The following PROCR variants were observed in gnomAD, a reference collection of about 807,000 sequenced individuals.
The protein encoded by PROCR is protein C receptor, also known as endothelial protein C receptor.
PROCR carries 22 observed loss-of-function variants against 24.2 expected under a neutral mutation model. That is an observed-to-expected ratio of 0.91 (90% CI 0.65 to 1.30). The LOEUF is 1.30. Among genes scored for constraint, PROCR ranks in the 50% most tolerant of loss-of-function variants. PROCR has a pLI of 0.00. For synonymous variants in PROCR, 137 were observed against 139.2 expected (o/e 0.98, Z 0.11); for missense variants, 288 against 307.7 (o/e 0.94, Z 0.48).
chr20:35,176,625 C>T, intron 3 of PROCR, 73 bp from the exon 4 acceptor site: 1 of 1,568,794 alleles, frequency 6.4e-7, no homozygotes, highest in Non-Finnish European at 8.7e-7. Flanking sequence ...GGCAGAAACG[C>T]TTTGGGGTTT....
At chr20:35,174,976 C>G (rs771395821) in intron 2 of PROCR, 23 bp downstream of exon 2, 95 of 123,520 alleles carry the variant, frequency 7.7e-4, no homozygotes, top group East Asian at 6.9e-4. Flanking sequence ...GCAGCGGGGG[C>G]GGGGTCTGGG....
At chr20:35,180,815 C>A (rs1222847947), downstream of PROCR, among the ~76,000 whole-genome samples, 2 of 152,088 alleles carry the variant, frequency 1.3e-5, no homozygotes, top group Non-Finnish European at 2.9e-5. Flanking sequence ...AAACACAGAT[C>A]TAATTGTGTC....
At chr20:35,178,414 T>TAA (rs374008630), downstream of PROCR, among the ~76,000 whole-genome samples, 14,754 of 49,598 alleles carry the variant, frequency 0.3, 3,459 homozygotes, top group African/African-American at 0.6. Flanking sequence ...TTTTTAATTC[T>TAA]AAAAAAAAAA....
chr20:35,205,421 G>A (rs1434300388), intron 1 of PROCR, among the ~76,000 whole-genome samples: 2 of 148,544 alleles, frequency 1.3e-5, no homozygotes, highest in Non-Finnish European at 3.0e-5. Flanking sequence ...AAATCTCTCA[G>A]CAAACTAGAG....
chr20:35,186,909 C>T (rs1025600822), intron 1 of PROCR, among the ~76,000 whole-genome samples: 2 of 151,014 alleles, frequency 1.3e-5, no homozygotes, highest in Non-Finnish European at 1.5e-5. Flanking sequence ...GTGGAGATTG[C>T]GCCACTGCAC....
chr20:35,174,570 G>GT, intron 1 of PROCR, 132 bp from the exon 2 acceptor site: 1 of 1,118,320 alleles, frequency 8.9e-7, no homozygotes, highest in Non-Finnish European at 1.3e-6. Context: ...GGGAGAAGCG[G>GT]TGGGAGGGCA....
chr20:35,181,506 C>T (rs1192257627), downstream of PROCR, among the ~76,000 whole-genome samples: 1 of 152,104 alleles, frequency 6.6e-6, no homozygotes, highest in East Asian at 1.9e-4. Context: ...AACTCCTGAC[C>T]TCATGATCTG....
chr20:35,186,586 A>T (rs2086128847), intron 1 of PROCR, among the ~76,000 whole-genome samples: 1 of 147,268 alleles, frequency 6.8e-6, no homozygotes, highest in African/African-American at 2.5e-5. Context: ...AAAAAAAAAA[A>T]TGATAAGTAA....
Position 35,176,198 on chromosome 20 carries a change from G to A in PROCR, c.353G>A (p.Cys118Tyr), listed in dbSNP as rs2086014731. The change falls in exon 3 of 4, where the codon TGT becomes TAT. Residue 118 changes from cysteine (C) to tyrosine (Y), a missense_variant. Transcript: ENST00000216968. Reference protein sequence around the residue: ...FPLTIRCFLGCELPPEGSRAH... With the variant: ...FPLTIRCFLGYELPPEGSRAH... ...CTGACCATCCGCTGCTTCCTGGGCTGTGAGCTGCCTCCCGAGGGCTCTAGA... is the reference window on the plus strand; with the variant it reads ...CTGACCATCCGCTGCTTCCTGGGCTATGAGCTGCCTCCCGAGGGCTCTAGA... 2 of 1,614,048 alleles carry A rather than the reference G, an allele frequency of 1.2e-6. No individual in the cohort carries two copies. The highest frequency in any genetic ancestry group is 1.7e-6 in the Non-Finnish European group (2 of 1,180,018).
chr20:35,197,561 T>G (rs996156001), intron 1 of PROCR, among the ~76,000 whole-genome samples: 1 of 151,910 alleles, frequency 6.6e-6, no homozygotes, highest in Admixed American at 6.6e-5. Context: ...CGGTGGCTCA[T>G]GCCTGTAATC....
chr20:35,185,184 G>A (rs546351741), intron 1 of PROCR, among the ~76,000 whole-genome samples: 1 of 151,992 alleles, frequency 6.6e-6, no homozygotes, highest in Admixed American at 6.6e-5. Context: ...ACCACAAAGC[G>A]ATACCACCGT....
intron 1 of PROCR, among the ~76,000 whole-genome samples, chr20:35,205,415 C>A (rs2060334397): frequency 1.4e-5 from 2 of 147,044 alleles, no homozygotes; most frequent in African/African-American, 2.6e-5. Context: ...AAAAAAAAAT[C>A]TCTCAGCAAA....
chr20:35,206,962 G>A (rs1161665783), intron 1 of PROCR, among the ~76,000 whole-genome samples: 2 of 152,184 alleles, frequency 1.3e-5, no homozygotes, highest in African/African-American at 4.8e-5. Flanking sequence ...GGGAAGTGGA[G>A]TAACAAACTG....
intron 1 of PROCR, among the ~76,000 whole-genome samples, chr20:35,206,474 CAAAAA>C (rs34186603): frequency 2.9e-5 from 2 of 68,780 alleles, no homozygotes; most frequent in African/African-American, 5.5e-5. Flanking sequence ...GACTCTATCT[CAAAAA>C]AAAAAAAAAA....
chr20:35,195,371 G>C (rs1412575704), intron 1 of PROCR: 1 of 152,156 alleles, frequency 6.6e-6, no homozygotes, highest in Non-Finnish European at 1.5e-5. Context: ...GCAGGGTCAG[G>C]CCTGGTTAGG....
chr20:35,191,465 A>C lies in PROCR; in HGVS notation c.94+15019A>C, dbSNP rs663550. Among the ~76,000 whole-genome samples the C allele has an allele frequency of 2.6e-3, 401 of 151,586 alleles. 2 individuals carry two copies. The highest frequency in any genetic ancestry group is 9.3e-3 in the African/African-American group (385 of 41,334). On this transcript the variant is annotated intron_variant, in intron 1 of 1. Coordinates refer to the PROCR transcript ENST00000634509. ...GGGAGGGACAGACCCTAAACAAATA[A>C]TTTTTTTTTAATGTCAGAGATAATT...
At chr20:35,178,021 T>C (rs748200029), downstream of PROCR, among the ~76,000 whole-genome samples, 8 of 152,182 alleles carry the variant, frequency 5.3e-5, no homozygotes, top group Admixed American at 6.6e-5. Flanking sequence ...AACTATACCC[T>C]TTCTAGGTGA....
chr20:35,214,415 G>A (rs917981485), intron 1 of PROCR, among the ~76,000 whole-genome samples: 5 of 152,140 alleles, frequency 3.3e-5, no homozygotes, highest in Admixed American at 6.5e-5. Flanking sequence ...GGCCGGGCGC[G>A]GTGGCTCACG....
At chr20:35,176,520 A>C (rs2086020416) in intron 3 of PROCR, 74 bp downstream of exon 3, 12 of 1,602,374 alleles carry the variant, frequency 7.5e-6, no homozygotes, top group Non-Finnish European at 1.0e-5. Flanking sequence ...GACCTGAAGG[A>C]TGGATGCCTA....
Sources: gnomAD v4.1 joint callset for allele counts (sites outside exome capture counted in the v4.1 genomes callset) on GRCh38, gnomAD v4.1.1 for gene constraint, MANE v1.5 for transcripts, NCBI Gene and HGNC (gene_info 2026-07-23, HGNC 2026-07-21) for gene names.